Variants in WHAMM observed in about 807,000 individuals in gnomAD.
WHAMM encodes the protein WASP homolog associated with actin, golgi membranes and microtubules, also known as WASP homolog-associated protein with actin, membranes and microtubules.
A neutral mutation model predicts 76.5 loss-of-function variants in WHAMM; 67 were observed. That is an observed-to-expected ratio of 0.88 (90% CI 0.72 to 1.07). The LOEUF (loss-of-function observed/expected upper bound fraction) is 1.07. WHAMM is among the 50% of genes least tolerant of loss of function. The pLI is 0.00. For synonymous variants in WHAMM, 419 were observed against 422.1 expected (o/e 0.99, Z 0.09); for missense variants, 1,021 against 1,051.1 (o/e 0.97, Z 0.40).
chr15:82,833,747 T>C lies in WHAMM; in HGVS notation c.*211T>C, dbSNP rs934337150. On this transcript the variant is annotated 3_prime_UTR_variant, in exon 10 of 10. Coordinates refer to ENST00000286760, the MANE Select transcript of WHAMM (RefSeq NM_001080435.3). ...CTCTGTCGCCCAGGCTGGGGTGCAG[T>C]GGCGCCATCTCGGCTCACCGCAAGC... 8.4e-5 allele frequency: 48 copies of C among 568,622 alleles called. No individual in the cohort carries two copies. The highest frequency in any genetic ancestry group is 1.2e-4 in the Non-Finnish European group (38 of 328,618). 35.2% of individuals were successfully genotyped at this position (568,622 alleles called of 1,614,324 possible). A position where few individuals can be genotyped will look rare whatever the true frequency, so the allele number is the denominator to read the frequency against.
chr15:82,825,774 G>A (rs2151569249), intron 6 of WHAMM, among the ~76,000 whole-genome samples: 1 of 150,342 alleles, frequency 6.7e-6, no homozygotes, highest in South Asian at 2.1e-4. Flanking sequence ...GGCAACAAGA[G>A]CGAAACTCAG....
At chr15:82,817,881 A>G in intron 3 of WHAMM, 39 bp from the exon 4 acceptor site, 3 of 1,420,000 alleles carry the variant, frequency 2.1e-6, no homozygotes, top group Non-Finnish European at 2.8e-6. Flanking sequence ...TTCCCTTTTT[A>G]ATGAGGTGTA....
chr15:82,831,049 C>A lies in WHAMM; in HGVS notation c.2092C>A (p.Arg698Ser). The stretch of plus-strand genomic sequence containing the variant: ...GTGCGAATCACCTGCTGAGCGACCA[C>A]GTGACTCCTTGGAAAGTTTTTCATG... ...LVCESPAERP[R>S]DSLESFSCPG... The change falls in exon 9 of 10, where the codon CGT (arginine) becomes AGT (serine). Residue 698 changes from arginine (R) to serine (S), a missense_variant. By Grantham distance (110) the Arg-to-Ser change is moderately radical. Around this residue, in one of 3 missense-constraint regions of WHAMM, gnomAD observed 509 missense variants for 492.3 expected, o/e 1.03. Transcript: ENST00000286760. 1 of 1,609,344 alleles carries A rather than the reference C, an allele frequency of 6.2e-7. No homozygotes were observed. The highest frequency in any genetic ancestry group is 8.5e-7 in the Non-Finnish European group (1 of 1,179,734).
chr15:82,832,335 T>A lies in WHAMM; in HGVS notation c.2123-894T>A, dbSNP rs971137430. ...AGTTTAAATCCAAAGCAAAATAGCC[T>A]TTTGTTAGCCACAGCACGGCCTTTC... On this transcript the variant is annotated intron_variant, in intron 9 of 9. Transcript: ENST00000286760. 8.5e-5 allele frequency among the ~76,000 whole-genome samples: 13 copies of A among 152,244 alleles called. No homozygotes were observed. In the South Asian group the frequency reaches 1.0e-3, roughly 12 times the overall value.
At chr15:82,817,142 G>A (rs1270581067) in intron 3 of WHAMM, among the ~76,000 whole-genome samples, 4 of 152,220 alleles carry the variant, frequency 2.6e-5, no homozygotes, top group Admixed American at 6.5e-5. Flanking sequence ...GAAGGCCTCT[G>A]AGAAGTGGCG....
rs568958202 is a variant in WHAMM at position 82,830,578 on chromosome 15, A to T, written c.1642-21A>T. Reference sequence around the variant, plus strand: ...GGTTTGCACTTGTGGCAGATTGCTCACCATGGTTTTTCATTTTCAGAAACG... The same window carrying T: ...GGTTTGCACTTGTGGCAGATTGCTCTCCATGGTTTTTCATTTTCAGAAACG... On this transcript the variant is annotated intron_variant, in intron 8 of 9. Coordinates refer to ENST00000286760, the MANE Select transcript of WHAMM (RefSeq NM_001080435.3). 6.9e-6 allele frequency: 11 copies of T among 1,599,140 alleles called. No homozygotes were observed. In the African/African-American group the frequency reaches 1.5e-4, roughly 21 times the overall value.
chr15:82,822,003 A>ATTT (rs1278925062), intron 5 of WHAMM, among the ~76,000 whole-genome samples: 1 of 152,240 alleles, frequency 6.6e-6, no homozygotes, highest in Non-Finnish European at 1.5e-5. Flanking sequence ...AAAAAATTAC[A>ATTT]TTAAAAAAAG....
At chr15:82,816,896 T>C in intron 3 of WHAMM, 54 bp downstream of exon 3, 2 of 1,490,514 alleles carry the variant, frequency 1.3e-6, no homozygotes, top group Non-Finnish European at 1.8e-6. Context: ...TATCATTTTA[T>C]TCAAATACCA....
rs1043205359 is a variant in WHAMM at position 82,819,335 on chromosome 15, C to A, written c.1117C>A (p.Pro373Thr). 4.1e-5 allele frequency: 45 copies of A among 1,092,830 alleles called. No individual in the cohort carries two copies. The Middle Eastern group carries it at 9.6e-4, about 23-fold the overall frequency. The allele number at this position is 1,092,830 out of a possible 1,614,324, so 67.7% of individuals were successfully genotyped here. Residue 373 changes from proline (P) to threonine (T), a missense_variant, in exon 5 of 10, where the codon CCA (proline) becomes ACA (threonine). This residue lies in a region of WHAMM where 501 missense variants were observed against 524.9 expected (regional missense o/e 0.95). Coordinates refer to ENST00000286760, the MANE Select transcript of WHAMM (RefSeq NM_001080435.3). ...AEIQGKMEDL[P>T]EQEKNTNVVD... ...CTATGAAAATAAGATGGAAGATCTT[C>A]CAGAACAAGAAAAAAATACAAATGT...
At chr15:82,816,203 C>A (rs2050722936) in intron 2 of WHAMM, among the ~76,000 whole-genome samples, 1 of 152,156 alleles carries the variant, frequency 6.6e-6, no homozygotes, top group Non-Finnish European at 1.5e-5. Context: ...TAGGCTTCAA[C>A]ATATGCATTT....
At chr15:82,824,180 C>T (rs1484954147) in intron 6 of WHAMM, among the ~76,000 whole-genome samples, 7 of 42,064 alleles carry the variant, frequency 1.7e-4, no homozygotes, top group African/African-American at 4.5e-4. Flanking sequence ...TTTTTTGAAA[C>T]AGAGTCTCGC....
chr15:82,832,928 C>G (rs2051055259), intron 9 of WHAMM, among the ~76,000 whole-genome samples: 1 of 152,160 alleles, frequency 6.6e-6, no homozygotes, highest in East Asian at 1.9e-4. Flanking sequence ...AGGGACAGAT[C>G]ACATTTGTCT....
At position 82,830,943 on chromosome 15, in the gene WHAMM, G is replaced by C; in HGVS notation, c.1986G>C (p.Leu662=). 1 of 1,576,730 alleles carries C rather than the reference G, an allele frequency of 6.3e-7. No homozygotes were observed. The highest frequency in any genetic ancestry group is 8.5e-7 in the Non-Finnish European group (1 of 1,172,992). ...PPPPPPPLRA[L]SSSSQAATHQ... is the part of the protein sequence containing the mutation. ...CCCCACCCCCTCCTCTCCGTGCTCT[G>C]TCCTCATCCTCTCAAGCTGCAACTC... The change falls in exon 9 of 10, where the codon CTG becomes CTC. Residue 662 remains leucine (L), a synonymous_variant. Coordinates refer to ENST00000286760, the MANE Select transcript of WHAMM (RefSeq NM_001080435.3).
chr15:82,810,066 G>A lies in WHAMM; in HGVS notation c.340G>A (p.Val114Met), dbSNP rs1370237016. The A allele has an allele frequency of 1.6e-5, 19 of 1,215,596 alleles. No individual in the cohort carries two copies. The highest frequency in any genetic ancestry group is 1.9e-5 in the Non-Finnish European group (19 of 980,832). The allele number at this position is 1,215,596 out of a possible 1,614,324, so 75.3% of individuals were successfully genotyped here. A position where few individuals can be genotyped will look rare whatever the true frequency, so the allele number is the denominator to read the frequency against. ...CFPRLPPELD[V>M]GGGGAWGLGL... The stretch of plus-strand genomic sequence containing the variant: ...CCCGCGGCTGCCGCCGGAGCTGGAC[G>A]TGGGCGGCGGCGGGGCCTGGGGTCT... Residue 114 changes from valine to methionine, a missense_variant, in exon 1 of 10, where the codon GTG (valine) becomes ATG (methionine). Val to Met is a conservative substitution (Grantham distance 21). Transcript: ENST00000286760.
chr15:82,811,061 T>C (rs1198739546), intron 1 of WHAMM, among the ~76,000 whole-genome samples: 2 of 152,204 alleles, frequency 1.3e-5, no homozygotes, highest in East Asian at 3.8e-4. Flanking sequence ...ACTGCTGTTA[T>C]TAACCTGAAT....
In WHAMM at chr15:82,831,049, C is replaced by T. The variant is rs185943199; in HGVS notation, c.2092C>T (p.Arg698Cys). 3.2e-5 allele frequency: 51 copies of T among 1,609,344 alleles called. No homozygotes were observed. The highest frequency in any genetic ancestry group is 1.7e-4 in the Middle Eastern group (1 of 6,060). Residue 698 changes from arginine (R) to cysteine (C), a missense_variant, in exon 9 of 10, where the codon CGT becomes TGT. Coordinates refer to ENST00000286760, the MANE Select transcript of WHAMM (RefSeq NM_001080435.3). ...GTGCGAATCACCTGCTGAGCGACCA[C>T]GTGACTCCTTGGAAAGTTTTTCATG... ...LVCESPAERP[R>C]DSLESFSCPG...
chr15:82,812,876 G>A (rs1337827866), intron 1 of WHAMM, among the ~76,000 whole-genome samples: 1 of 152,156 alleles, frequency 6.6e-6, no homozygotes, highest in Non-Finnish European at 1.5e-5. Flanking sequence ...AGTGCTGAAT[G>A]ACTACAGTAA....
intron 4 of WHAMM, among the ~76,000 whole-genome samples, 180 bp from the exon 5 acceptor site, chr15:82,819,143 G>C (rs2050777813): frequency 6.6e-6 from 1 of 152,050 alleles, no homozygotes; most frequent in African/African-American, 2.4e-5. Context: ...GTTTTCCTCT[G>C]TTTCAAGGAT....
intron 8 of WHAMM, among the ~76,000 whole-genome samples, chr15:82,827,910 A>G (rs2050963136): frequency 6.6e-6 from 1 of 152,236 alleles, no homozygotes; most frequent in Non-Finnish European, 1.5e-5. Context: ...GCGCCACTGC[A>G]CTCCAGCCTG....
Sources: allele counts gnomAD v4.1 joint callset (sites outside exome capture counted in the v4.1 genomes callset), GRCh38; gene constraint gnomAD v4.1.1; regional missense constraint gnomAD v4.1.1; transcripts MANE v1.5; gene names NCBI Gene and HGNC (gene_info 2026-07-23, HGNC 2026-07-21).